LAMA2: variants seen among roughly 807,000 people sequenced by gnomAD.
LAMA2 encodes the protein laminin subunit alpha-2.
LAMA2 carries 269 observed loss-of-function variants against 364.8 expected under a neutral mutation model. That is an observed-to-expected ratio of 0.74 (90% CI 0.67 to 0.82). The LOEUF is 0.82. LAMA2 is among the 40% of genes least tolerant of loss of function. The probability of loss-of-function intolerance (pLI) is 0.00; values close to 1 mark genes in which losing one functional copy is unlikely to be tolerated. For missense variants in LAMA2, 3,807 were observed against 3,873.2 expected, an observed-to-expected ratio of 0.98 and a Z score of 0.45; for synonymous variants, 1,379 against 1,370.6, an observed-to-expected ratio of 1.01 and a Z score of -0.14.
intron 9 of LAMA2, among the ~76,000 whole-genome samples, chr6:129,168,602 G>A (rs1192903071): frequency 2.0e-5 from 3 of 147,710 alleles, no homozygotes; most frequent in East Asian, 3.9e-4. Flanking sequence ...GTAGTGTGAT[G>A]CCTCCAGCTT....
chr6:129,438,489 T>A (rs528595879), intron 41 of LAMA2, among the ~76,000 whole-genome samples, 157 bp from the exon 42 acceptor site: 1 of 152,122 alleles, frequency 6.6e-6, no homozygotes, highest in Non-Finnish European at 1.5e-5. Flanking sequence ...TTTTAAAATA[T>A]GATTGGAAAT....
At chr6:129,172,463 G>T (rs1780243798) in intron 9 of LAMA2, among the ~76,000 whole-genome samples, 1 of 152,206 alleles carries the variant, frequency 6.6e-6, no homozygotes, top group South Asian at 2.1e-4. Flanking sequence ...CCCTGCTGGG[G>T]GGTGCCTCCC....
chr6:128,896,200 T>TTATG (rs1402905997), intron 1 of LAMA2, among the ~76,000 whole-genome samples: 1 of 152,104 alleles, frequency 6.6e-6, no homozygotes, highest in African/African-American at 2.4e-5. Context: ...TTTTTGAGGT[T>TTATG]TATGTGTATC....
intron 1 of LAMA2, among the ~76,000 whole-genome samples, chr6:128,888,751 T>C (rs1161800525): frequency 1.3e-5 from 2 of 152,214 alleles, no homozygotes; most frequent in Non-Finnish European, 2.9e-5. Flanking sequence ...TTGTTGACCT[T>C]AATTTTAAAG....
intron 4 of LAMA2, among the ~76,000 whole-genome samples, chr6:129,128,655 GC>G (rs1777264222): frequency 6.6e-6 from 1 of 152,042 alleles, no homozygotes; most frequent in South Asian, 2.1e-4. Context: ...ATTTATTCAT[GC>G]CTTCTTCAAT....
chr6:129,172,198 C>G (rs1004787192), intron 9 of LAMA2, among the ~76,000 whole-genome samples: 1 of 152,174 alleles, frequency 6.6e-6, no homozygotes, highest in Non-Finnish European at 1.5e-5. Context: ...CTCCATCCAG[C>G]TTTGTTCCGT....
intron 1 of LAMA2, among the ~76,000 whole-genome samples, chr6:129,017,049 C>T (rs903954156): frequency 2.6e-5 from 4 of 151,792 alleles, no homozygotes; most frequent in African/African-American, 9.7e-5. Flanking sequence ...ATAAGCAAAT[C>T]AACAACTACA....
intron 20 of LAMA2, among the ~76,000 whole-genome samples, chr6:129,293,391 G>C (rs372867867): frequency 6.6e-6 from 1 of 152,112 alleles, no homozygotes; most frequent in South Asian, 2.1e-4. Flanking sequence ...GCAACCTTTG[G>C]GGAAAGCTAA....
At chr6:128,918,598 C>G (rs1173735517) in intron 1 of LAMA2, among the ~76,000 whole-genome samples, 1 of 152,162 alleles carries the variant, frequency 6.6e-6, no homozygotes, top group African/African-American at 2.4e-5. Flanking sequence ...ACCTAGTGGT[C>G]TTCCTCATCT....
At position 128,886,737 on chromosome 6, in the gene LAMA2, AC is replaced by A. The variant is rs1310041894; in HGVS notation, c.112+3382del. On this transcript the variant is annotated intron_variant, in intron 1 of 64. Transcript: ENST00000421865. ...GATCCATAGAAGAACATGACAAACA[AC>A]CAGGTTTGAATTTTATAATATGGAG... Among the ~76,000 whole-genome samples, 52 of 152,172 alleles carry A rather than the reference AC, an allele frequency of 3.4e-4. 1 individual carries two copies. The highest frequency in any genetic ancestry group is 2.1e-4 in the South Asian group (1 of 4,826).
At chr6:129,027,933 A>G (rs1482423320) in intron 1 of LAMA2, among the ~76,000 whole-genome samples, 1 of 151,878 alleles carries the variant, frequency 6.6e-6, no homozygotes, top group African/African-American at 2.4e-5. Context: ...TTTACTCTAA[A>G]AGTCAAGTGA....
chr6:128,962,959 AAAAC>A (rs1397588911), intron 1 of LAMA2, among the ~76,000 whole-genome samples: 1 of 152,208 alleles, frequency 6.6e-6, no homozygotes, highest in Non-Finnish European at 1.5e-5. Flanking sequence ...CCTTCTGAAT[AAAAC>A]AAACTACTGA....
At chr6:128,915,252 C>G (rs1057293351) in intron 1 of LAMA2, among the ~76,000 whole-genome samples, 4 of 152,128 alleles carry the variant, frequency 2.6e-5, no homozygotes, top group African/African-American at 7.2e-5. Context: ...TTGACATAAA[C>G]AAGGCAGAAA....
intron 6 of LAMA2, among the ~76,000 whole-genome samples, chr6:129,147,758 T>C (rs1399150802): frequency 1.3e-5 from 2 of 152,032 alleles, no homozygotes; most frequent in African/African-American, 4.8e-5. Context: ...CACAGATTTT[T>C]TTTCTCAAAT....
At chr6:128,985,344 G>C (rs1219508685) in intron 1 of LAMA2, among the ~76,000 whole-genome samples, 1 of 152,110 alleles carries the variant, frequency 6.6e-6, no homozygotes, top group African/African-American at 2.4e-5. Context: ...GCAAAATTCA[G>C]GTCTTTTGAT....
At chr6:129,163,018 T>A (rs2114989641) in intron 8 of LAMA2, among the ~76,000 whole-genome samples, 1 of 152,362 alleles carries the variant, frequency 6.6e-6, no homozygotes, top group East Asian at 1.9e-4. Context: ...ATGTTTGGCT[T>A]TCAAGCTTAC....
intron 35 of LAMA2, among the ~76,000 whole-genome samples, chr6:129,390,403 C>T (rs753656328): frequency 6.6e-6 from 1 of 151,926 alleles, no homozygotes; most frequent in African/African-American, 2.4e-5. Flanking sequence ...TGACTATGTA[C>T]ACCTGTTTCA....
intron 32 of LAMA2, among the ~76,000 whole-genome samples, chr6:129,354,019 A>G (rs1436443883): frequency 6.6e-6 from 1 of 152,240 alleles, no homozygotes; most frequent in Non-Finnish European, 1.5e-5. Context: ...TCTTGCATAC[A>G]TTCAAATCCA....
At chr6:128,949,118 TAA>T (rs1437077381) in intron 1 of LAMA2, among the ~76,000 whole-genome samples, 1 of 152,196 alleles carries the variant, frequency 6.6e-6, no homozygotes. Flanking sequence ...TCCAGTGAGA[TAA>T]GTCTAATTTT....
Sources: gnomAD v4.1 joint callset for allele counts (sites outside exome capture counted in the v4.1 genomes callset) on GRCh38, gnomAD v4.1.1 for gene constraint, MANE v1.5 for transcripts, NCBI Gene and HGNC (gene_info 2026-07-23, HGNC 2026-07-21) for gene names.